Variants in PTPRA observed in about 807,000 individuals in gnomAD.
PTPRA encodes receptor-type tyrosine-protein phosphatase alpha.
Under a neutral mutation model 104.8 loss-of-function variants are expected in PTPRA, and 25 were observed. That is an observed-to-expected ratio of 0.24 (90% CI 0.17 to 0.33). The LOEUF is 0.33. PTPRA is among the 10% of genes least tolerant of loss of function. PTPRA has a pLI of 1.00. For missense variants in PTPRA, 765 were observed against 1,015.3 expected, an observed-to-expected ratio of 0.75 and a Z score of 3.35; for synonymous variants, 323 against 368.9, an observed-to-expected ratio of 0.88 and a Z score of 1.43.
intron 9 of PTPRA, among the ~76,000 whole-genome samples, chr20:2,996,648 G>C (rs879944152): frequency 6.6e-6 from 1 of 152,104 alleles, no homozygotes; most frequent in African/African-American, 2.4e-5. Context: ...TGAGTAAAAG[G>C]TAAACAATCC....
chr20:2,991,988 A>G (rs2063195929), intron 9 of PTPRA, among the ~76,000 whole-genome samples: 1 of 152,238 alleles, frequency 6.6e-6, no homozygotes, highest in Non-Finnish European at 1.5e-5. Flanking sequence ...TCACTTAAGT[A>G]GTATACCCCA....
At chr20:2,902,379 TC>T (rs2059270618) in intron 1 of PTPRA, among the ~76,000 whole-genome samples, 1 of 152,174 alleles carries the variant, frequency 6.6e-6, no homozygotes, top group South Asian at 2.1e-4. Flanking sequence ...TTTTCCCTAC[TC>T]CCTTTCTTAA....
chr20:2,992,541 AC>A (rs1454362173), intron 9 of PTPRA, among the ~76,000 whole-genome samples: 1 of 151,692 alleles, frequency 6.6e-6, no homozygotes. Flanking sequence ...AAACAAAAAA[AC>A]CCCTAGTTTA....
At chr20:2,988,498 G>A (rs1008998496) in intron 9 of PTPRA, 24 bp downstream of exon 9, 2 of 1,608,314 alleles carry the variant, frequency 1.2e-6, no homozygotes, top group Non-Finnish European at 1.7e-6. Context: ...TGAGGCTGGT[G>A]TATCAGCAGG....
intron 3 of PTPRA, among the ~76,000 whole-genome samples, chr20:2,954,917 A>G (rs2061483027): frequency 3.3e-5 from 5 of 152,082 alleles, no homozygotes; most frequent in Admixed American, 3.3e-4. Context: ...ACGTGTAGAT[A>G]TACAGTTTTC....
Position 2,965,059 on chromosome 20 carries a change from C to G in PTPRA, c.272C>G (p.Thr91Arg), listed in dbSNP as rs201928681. ...SSDSDNGTTR[T>R]ASTNSIGITI... is the part of the protein sequence containing the mutation. ...GACTCTGACAATGGGACCACAAGAA[C>G]AGCAAGCACCAATTCTATAGGCATT... The change falls in exon 5 of 24, where the codon ACA (threonine) becomes AGA (arginine). Residue 91 changes from threonine (T) to arginine (R), a missense_variant. Thr to Arg is a moderately conservative substitution (Grantham distance 71). Transcript: ENST00000399903. 2 of 1,614,048 alleles carry G rather than the reference C, an allele frequency of 1.2e-6. No homozygotes were observed. Among genetic ancestry groups the G allele is most frequent in the African/African-American group, 1.3e-5 (1 of 75,032 alleles).
intron 1 of PTPRA, among the ~76,000 whole-genome samples, chr20:2,909,616 A>G (rs2059550967): frequency 6.6e-6 from 1 of 151,204 alleles, no homozygotes; most frequent in Non-Finnish European, 1.5e-5. Flanking sequence ...AAAACTACAA[A>G]AGATTGTCTG....
At chr20:3,006,520 A>G (rs2063881446) in intron 10 of PTPRA, among the ~76,000 whole-genome samples, 1 of 152,224 alleles carries the variant, frequency 6.6e-6, no homozygotes, top group African/African-American at 2.4e-5. Flanking sequence ...ACATTAGCAT[A>G]TGTGCATAAT....
intron 11 of PTPRA, among the ~76,000 whole-genome samples, chr20:3,010,536 G>T (rs922615533): frequency 6.6e-6 from 1 of 152,138 alleles, no homozygotes; most frequent in Middle Eastern, 3.2e-3. Flanking sequence ...GCTGAGGCAG[G>T]AGAACGGCGT....
chr20:3,006,459 A>G (rs1216107373), intron 10 of PTPRA, among the ~76,000 whole-genome samples: 2 of 152,202 alleles, frequency 1.3e-5, no homozygotes, highest in African/African-American at 2.4e-5. Flanking sequence ...GATTACGTGC[A>G]TGAGCCACCA....
chr20:2,895,526 AT>A (rs777256793), intron 1 of PTPRA, among the ~76,000 whole-genome samples: 25 of 150,432 alleles, frequency 1.7e-4, no homozygotes, highest in African/African-American at 4.4e-4. Flanking sequence ...ATTTTATTTT[AT>A]TTTTTTTGAG....
Position 2,975,368 on chromosome 20 carries a change from G to A in PTPRA, c.442+127G>A, listed in dbSNP as rs2062390651. On this transcript the variant is annotated intron_variant, in intron 6 of 23. Coordinates refer to ENST00000399903, the MANE Select transcript of PTPRA (RefSeq NM_001385305.1). ...GTGTTGTTTGTTTACTTTCCCTTAA[G>A]TTATTTCCATGTTAATCTCATGGAG... 2.6e-6 allele frequency: 2 copies of A among 759,494 alleles called. 1 individual carries two copies. Among genetic ancestry groups the A allele is most frequent in the South Asian group, 6.9e-5 (2 of 28,906 alleles). 47.0% of individuals were successfully genotyped at this position (759,494 alleles called of 1,614,324 possible).
chr20:2,940,024 C>T (rs763075084), intron 2 of PTPRA, among the ~76,000 whole-genome samples: 6 of 152,208 alleles, frequency 3.9e-5, no homozygotes, highest in Non-Finnish European at 7.3e-5. Flanking sequence ...ATAGGAGAAT[C>T]GTTTGAACCC....
At chr20:2,923,601 C>T (rs746159788) in intron 2 of PTPRA, among the ~76,000 whole-genome samples, 11 of 151,786 alleles carry the variant, frequency 7.2e-5, no homozygotes, top group Non-Finnish European at 1.6e-4. Flanking sequence ...GAGTTCAAGA[C>T]CAGCCTGGCC....
In PTPRA at chr20:2,923,086, T is replaced by C. The variant is rs631493; in HGVS notation, c.-128-121T>C. The stretch of plus-strand genomic sequence containing the variant: ...GATTATAGGCATGTGCCACCCTGCC[T>C]GGCTACTTTTTGTGGAGATGGGATT... On this transcript the variant is annotated intron_variant, in intron 1 of 23. Transcript: ENST00000399903. 2.4e-4 allele frequency: 79 copies of C among 327,958 alleles called. 1 individual carries two copies. The highest frequency in any genetic ancestry group is 1.7e-3 in the African/African-American group (75 of 44,130). 20.3% of individuals were successfully genotyped at this position (327,958 alleles called of 1,614,324 possible). A position where few individuals can be genotyped will look rare whatever the true frequency, so the allele number is the denominator to read the frequency against.
chr20:2,942,256 A>C (rs1192143693), intron 2 of PTPRA, among the ~76,000 whole-genome samples: 1 of 152,208 alleles, frequency 6.6e-6, no homozygotes, highest in Non-Finnish European at 1.5e-5. Flanking sequence ...AGTAAGCCTT[A>C]CTTGATCAGG....
intron 2 of PTPRA, among the ~76,000 whole-genome samples, chr20:2,928,765 A>T (rs917746697): frequency 4.3e-4 from 60 of 140,394 alleles, no homozygotes; most frequent in Admixed American, 1.2e-3. Flanking sequence ...CTTTTTAAAA[A>T]CTCTTTGCTT....
At chr20:2,907,091 T>C (rs2059453400) in intron 1 of PTPRA, among the ~76,000 whole-genome samples, 1 of 152,220 alleles carries the variant, frequency 6.6e-6, no homozygotes, top group Admixed American at 6.5e-5. Flanking sequence ...GTAAAGTGTA[T>C]AAAGCAGCTC....
intron 1 of PTPRA, among the ~76,000 whole-genome samples, chr20:2,876,085 A>G (rs183243968): frequency 1.1e-4 from 16 of 152,312 alleles, no homozygotes; most frequent in Non-Finnish European, 1.8e-4. Context: ...GGCTGAAAGA[A>G]TTTTGGAAAG....
Sources: allele counts gnomAD v4.1 joint callset (sites outside exome capture counted in the v4.1 genomes callset), GRCh38; gene constraint gnomAD v4.1.1; transcripts MANE v1.5; gene names NCBI Gene and HGNC (gene_info 2026-07-23, HGNC 2026-07-21).